Variants in MAST4 observed in about 807,000 individuals in gnomAD.
The protein encoded by MAST4 is microtubule associated serine/threonine kinase family member 4, also known as microtubule-associated serine/threonine-protein kinase 4.
MAST4 carries 89 observed loss-of-function variants against 162.7 expected under a neutral mutation model. The observed-to-expected ratio is 0.55, with a 90% CI of 0.46 to 0.65. The LOEUF (loss-of-function observed/expected upper bound fraction) is 0.65. Among genes scored for constraint, MAST4 ranks in the 30% least tolerant of loss-of-function variants. The pLI, the probability that MAST4 is intolerant of heterozygous loss-of-function variation, is 0.00. For synonymous variants in MAST4, 1,479 were observed against 1,361.1 expected (o/e 1.09, Z -1.91); for missense variants, 3,153 against 3,374.0 (o/e 0.93, Z 1.62).
chr5:66,778,247 G>A (rs1401854908), intron 2 of MAST4, among the ~76,000 whole-genome samples: 2 of 152,192 alleles, frequency 1.3e-5, no homozygotes, highest in Non-Finnish European at 2.9e-5. Flanking sequence ...TGCAACTGGA[G>A]TTTGGGGCCA....
chr5:66,628,081 T>C (rs1488934564), intron 1 of MAST4, among the ~76,000 whole-genome samples: 2 of 152,176 alleles, frequency 1.3e-5, no homozygotes, highest in Non-Finnish European at 2.9e-5. Context: ...GCCCAGACTA[T>C]AGTGCAGTGG....
At chr5:67,081,402 G>T (rs944001623) in intron 5 of MAST4, among the ~76,000 whole-genome samples, 1 of 151,794 alleles carries the variant, frequency 6.6e-6, no homozygotes, top group African/African-American at 2.4e-5. Flanking sequence ...ATACTTAGAG[G>T]TCAAAGTGAG....
chr5:66,767,151 C>T (rs896345261), intron 2 of MAST4, among the ~76,000 whole-genome samples: 1 of 148,352 alleles, frequency 6.7e-6, no homozygotes, highest in Non-Finnish European at 1.5e-5. Flanking sequence ...CACATGGTCA[C>T]AGATGAATGT....
rs1306444543 is a variant in MAST4 at position 67,163,317 on chromosome 5, G to GC, written c.4141dup (p.Arg1381ProfsTer77). ...CGGCAACATCCCACTGTCCCCGCTG[G>GC]CCCGGACGCCCTCTCCAACCCCGCA... is the stretch of plus-strand genomic sequence containing the variant. On this transcript the variant is annotated frameshift_variant, in exon 29 of 29. Coordinates refer to ENST00000403625, the MANE Select transcript of MAST4 (RefSeq NM_001164664.2). LOFTEE classifies it low-confidence loss of function (END_TRUNC). This position sits in a 1 kb window ranked among gnomAD's most constrained non-coding sequence, Gnocchi z 7.0. The GC allele has an allele frequency of 6.2e-7, 1 of 1,612,834 alleles. No homozygotes were observed. Among genetic ancestry groups the GC allele is most frequent in the South Asian group, 1.1e-5 (1 of 91,060 alleles).
intron 26 of MAST4, among the ~76,000 whole-genome samples, chr5:67,157,145 C>T (rs775494133): frequency 6.6e-6 from 1 of 152,208 alleles, no homozygotes; most frequent in African/African-American, 2.4e-5. Flanking sequence ...AGGTAGCACT[C>T]GCTGTAGCTG....
intron 1 of MAST4, among the ~76,000 whole-genome samples, chr5:66,731,417 C>G (rs536799081): frequency 6.8e-6 from 1 of 147,904 alleles, no homozygotes; most frequent in Non-Finnish European, 1.5e-5. Flanking sequence ...AGATGGCAAC[C>G]TATCAATTTT....
Position 67,166,059 on chromosome 5 carries a change from C to T in MAST4, c.6880C>T (p.Pro2294Ser), listed in dbSNP as rs1192676060. ...GCCACAACCCACCAGTGGTGGGCGGCCCCTGGAGGTGCTGGAGAAGCCTGT... is the reference window on the plus strand; with the variant it reads ...GCCACAACCCACCAGTGGTGGGCGGTCCCTGGAGGTGCTGGAGAAGCCTGT... ...AKPQPTSGGRPLEVLEKPVHL... is the reference protein window; with the variant it reads ...AKPQPTSGGRSLEVLEKPVHL... Residue 2294 changes from proline (P) to serine (S), a missense_variant, in exon 29 of 29, where the codon CCC becomes TCC. Transcript: ENST00000403625. 1 of 1,613,718 alleles carries T rather than the reference C, an allele frequency of 6.2e-7. No homozygotes were observed. The highest frequency in any genetic ancestry group is 8.5e-7 in the Non-Finnish European group (1 of 1,179,788).
At chr5:66,812,599 T>C (rs546548950) in intron 3 of MAST4, among the ~76,000 whole-genome samples, 1 of 152,256 alleles carries the variant, frequency 6.6e-6, no homozygotes, top group South Asian at 2.1e-4. Flanking sequence ...AAAATAGAAA[T>C]GCTTGCATCG....
At position 67,153,548 on chromosome 5, in the gene MAST4, G is replaced by C; in HGVS notation, c.3616G>C (p.Val1206Leu). 3 of 1,594,904 alleles carry C rather than the reference G, an allele frequency of 1.9e-6. No homozygotes were observed. In the South Asian group the frequency reaches 3.4e-5, roughly 18 times the overall value. Residue 1206 changes from valine to leucine, a missense_variant, in exon 26 of 29, where the codon GTC (valine) becomes CTC (leucine). This residue lies in a region of MAST4 where 619 missense variants were observed against 744.2 expected (regional missense o/e 0.83). Transcript: ENST00000403625. ...HINGEPVHGL[V>L]HTEVIELLLK... ...CAATGGAGAACCAGTGCATGGACTT[G>C]TCCACACAGAAGTTATAGAACTCCT...
chr5:66,767,337 C>A (rs1373951795), intron 2 of MAST4, among the ~76,000 whole-genome samples: 5 of 151,984 alleles, frequency 3.3e-5, no homozygotes, highest in Non-Finnish European at 5.9e-5. Context: ...TTAACAAAGA[C>A]ATAGGATGTG....
chr5:66,748,792 CCAT>C (rs913319094), intron 1 of MAST4, among the ~76,000 whole-genome samples: 4 of 151,726 alleles, frequency 2.6e-5, no homozygotes, highest in Non-Finnish European at 5.9e-5. Flanking sequence ...CTGGCTGGGA[CCAT>C]TTCTTACAGT....
intron 4 of MAST4, among the ~76,000 whole-genome samples, chr5:67,049,029 A>ATATACACG (rs1561576298): frequency 6.1e-5 from 7 of 115,408 alleles, no homozygotes; most frequent in Non-Finnish European, 1.1e-4. Context: ...ATACGTATAT[A>ATATACACG]TATATATATA....
At chr5:66,634,267 C>G (rs921000827) in intron 1 of MAST4, among the ~76,000 whole-genome samples, 1 of 152,178 alleles carries the variant, frequency 6.6e-6, no homozygotes, top group African/African-American at 2.4e-5. Flanking sequence ...CCATGTTTGT[C>G]AGGCTGGTCT....
intron 4 of MAST4, among the ~76,000 whole-genome samples, chr5:66,934,863 G>GGTA (rs1742561573): frequency 6.6e-6 from 1 of 152,078 alleles, no homozygotes. Context: ...TGCCGTCAGT[G>GGTA]GTAACATGGT....
intron 3 of MAST4, among the ~76,000 whole-genome samples, chr5:66,832,119 C>A (rs191081136): frequency 2.0e-5 from 3 of 152,086 alleles, no homozygotes; most frequent in Admixed American, 2.0e-4. Flanking sequence ...AGAGGGGCAT[C>A]CCAGAGCGGC....
Position 66,759,693 on chromosome 5 carries a change from C to A in MAST4, c.364-16C>A. 6.2e-7 allele frequency: 1 copy of A among 1,613,286 alleles called. No individual in the cohort carries two copies. Among genetic ancestry groups the A allele is most frequent in the Non-Finnish European group, 8.5e-7 (1 of 1,179,456 alleles). ...TGATGCCCTAGCCAGTGATGCCATT[C>A]TTCCTCTTTCTGCAGCTTGACCACA... On this transcript the variant is annotated splice_polypyrimidine_tract_variant and intron_variant, in intron 1 of 28. Coordinates refer to ENST00000403625, the MANE Select transcript of MAST4 (RefSeq NM_001164664.2).
chr5:67,060,686 C>T (rs531844564), intron 5 of MAST4, among the ~76,000 whole-genome samples: 1 of 151,898 alleles, frequency 6.6e-6, no homozygotes, highest in South Asian at 2.1e-4. Context: ...ATCATGTTAC[C>T]CAGGATGGTC....
At chr5:66,855,663 G>A (rs1447410844) in intron 3 of MAST4, among the ~76,000 whole-genome samples, 1 of 152,122 alleles carries the variant, frequency 6.6e-6, no homozygotes, top group South Asian at 2.1e-4. Context: ...CACCTCCTGA[G>A]ACACACTGAA....
chr5:66,701,881 C>G lies in MAST4; in HGVS notation c.364-57828C>G, dbSNP rs1346859475. On this transcript the variant is annotated intron_variant, in intron 1 of 28. Coordinates refer to ENST00000403625, the MANE Select transcript of MAST4 (RefSeq NM_001164664.2). ...CACCTTTTAGAGGACTATACTCTAC[C>G]TAAAACATGAACTTTGCAAGTTAAA... is the stretch of plus-strand genomic sequence containing the variant. 2.0e-5 allele frequency among the ~76,000 whole-genome samples: 3 copies of G among 152,078 alleles called. No individual in the cohort carries two copies. In the East Asian group the frequency reaches 5.8e-4, roughly 29 times the overall value.
Sources: gnomAD v4.1 joint callset for allele counts (sites outside exome capture counted in the v4.1 genomes callset) on GRCh38, gnomAD v4.1.1 for gene constraint, gnomAD v4.1.1 regional missense constraint, Gnocchi (gnomAD v3.1) non-coding constraint, MANE v1.5 for transcripts, NCBI Gene and HGNC (gene_info 2026-07-23, HGNC 2026-07-21) for gene names.